The following GTSF1 variants were observed in gnomAD, a reference collection of about 807,000 sequenced individuals.
GTSF1 encodes gametocyte specific factor 1, also known as gametocyte-specific factor 1.
A neutral mutation model predicts 28.9 loss-of-function variants in GTSF1; 11 were observed. That is an observed-to-expected ratio of 0.38 (90% CI 0.24 to 0.63). The LOEUF (loss-of-function observed/expected upper bound fraction) is 0.63. Among genes scored for constraint, GTSF1 ranks in the 30% least tolerant of loss-of-function variants. The probability of loss-of-function intolerance (pLI) is 0.56; values close to 1 mark genes in which losing one functional copy is unlikely to be tolerated. For missense variants in GTSF1, 146 were observed against 201.0 expected (o/e 0.73, Z 1.66); for synonymous variants, 69 against 65.6 (o/e 1.05, Z -0.25).
chr12:54,467,989 G>A (rs929597011), intron 2 of GTSF1, among the ~76,000 whole-genome samples: 32 of 151,448 alleles, frequency 2.1e-4, no homozygotes, highest in African/African-American at 7.8e-4. Flanking sequence ...TCAAACTCCC[G>A]ACCTCAGGTG....
intron 2 of GTSF1, among the ~76,000 whole-genome samples, chr12:54,466,413 G>A (rs1956513297): frequency 1.3e-5 from 2 of 152,178 alleles, no homozygotes; most frequent in Non-Finnish European, 2.9e-5. Flanking sequence ...AACCATGATC[G>A]TGATGCAAAT....
Position 54,470,722 on chromosome 12 carries a change from G to A in GTSF1, c.16+511C>T, listed in dbSNP as rs114823921. Among the ~76,000 whole-genome samples the A allele has an allele frequency of 2.4e-3, 368 of 152,190 alleles. 1 individual carries two copies. Among genetic ancestry groups the A allele is most frequent in the African/African-American group, 8.0e-3 (332 of 41,530 alleles). On this transcript the variant is annotated intron_variant, in intron 2 of 8. Transcript: ENST00000305879. ...TCTGTCCCTAACTATGTAAACTTGG[G>A]CAAAATAATTAATCTAGGTTCTGTT...
At chr12:54,462,528 T>C in intron 5 of GTSF1, 114 bp downstream of exon 5, 2 of 828,192 alleles carry the variant, frequency 2.4e-6, no homozygotes, top group Non-Finnish European at 3.9e-6. Flanking sequence ...ATAAAAATAA[T>C]AAGGCATTCT....
In GTSF1 at chr12:54,470,719, TG is replaced by T. The variant is rs201841684; in HGVS notation, c.16+513del. Among the ~76,000 whole-genome samples, 1,459 of 152,266 alleles carry T rather than the reference TG, an allele frequency of 9.6e-3. 6 individuals carry two copies. The highest frequency in any genetic ancestry group is 0.014 in the Non-Finnish European group (948 of 68,008). ...GACTCTGTCCCTAACTATGTAAACTTGGGCAAAATAATTAATCTAGGTTCTG... is the reference window on the plus strand; with the variant it reads ...GACTCTGTCCCTAACTATGTAAACTTGGCAAAATAATTAATCTAGGTTCTG... On this transcript the variant is annotated intron_variant, in intron 2 of 8. Coordinates refer to ENST00000305879, the MANE Select transcript of GTSF1 (RefSeq NM_144594.3).
At chr12:54,456,449 G>A (rs73308564) in intron 8 of GTSF1, among the ~76,000 whole-genome samples, 16,007 of 152,236 alleles carry the variant, frequency 0.11, 1,012 homozygotes, top group African/African-American at 0.17. Flanking sequence ...ATTCATTCAT[G>A]CAATTCTGGA....
At chr12:54,472,870 T>A (rs1956608424) in intron 1 of GTSF1, among the ~76,000 whole-genome samples, 1 of 152,250 alleles carries the variant, frequency 6.6e-6, no homozygotes, top group African/African-American at 2.4e-5. Context: ...TCTTTTTGTA[T>A]ATATTTCACT....
At chr12:54,463,337 T>A (rs1177856548) in intron 3 of GTSF1, 40 bp from the exon 4 acceptor site, 5 of 1,608,406 alleles carry the variant, frequency 3.1e-6, no homozygotes, top group Non-Finnish European at 4.3e-6. Flanking sequence ...GTTCTCTGGA[T>A]CTACTAAAGT....
chr12:54,465,195 A>G (rs768854266), intron 2 of GTSF1, 28 bp from the exon 3 acceptor site: 1 of 1,499,792 alleles, frequency 6.7e-7, no homozygotes, highest in African/African-American at 1.4e-5. Flanking sequence ...TTCAGTAGGT[A>G]AAACGATAAT....
intron 6 of GTSF1, among the ~76,000 whole-genome samples, chr12:54,461,461 C>A (rs552244457): frequency 6.6e-6 from 1 of 151,874 alleles, no homozygotes; most frequent in South Asian, 2.1e-4. Flanking sequence ...TCACTTGAGG[C>A]CAGAAGTTTG....
At chr12:54,466,397 A>T (rs9325158) in intron 2 of GTSF1, among the ~76,000 whole-genome samples, 5 of 152,192 alleles carry the variant, frequency 3.3e-5, no homozygotes, top group Non-Finnish European at 7.3e-5. Context: ...CATGGAATAA[A>T]TTGCCAACCA....
intron 3 of GTSF1, 155 bp from the exon 4 acceptor site, chr12:54,463,452 G>A: frequency 1.6e-6 from 1 of 606,212 alleles, no homozygotes; most frequent in Non-Finnish European, 2.9e-6. Context: ...AAAACTAAGA[G>A]GGAATTATTT....
At chr12:54,462,227 T>G in intron 5 of GTSF1, 55 bp from the exon 6 acceptor site, 1 of 1,236,432 alleles carries the variant, frequency 8.1e-7, no homozygotes, top group Non-Finnish European at 1.2e-6. Flanking sequence ...ACACCAGCAG[T>G]TCATGTTGGT....
At position 54,462,186 on chromosome 12, in the gene GTSF1, C is replaced by A. The variant is rs754824199; in HGVS notation, c.329-14G>T. The A allele has an allele frequency of 3.7e-6, 6 of 1,605,370 alleles. No individual in the cohort carries two copies. The African/African-American group carries it at 6.7e-5, about 18-fold the overall frequency. ...GCTCCCACAAATCTGTTAAAGGAAG[C>A]AAAACATAGTTTGTGGTACTACTAG... On this transcript the variant is annotated splice_polypyrimidine_tract_variant and intron_variant, in intron 5 of 8. Transcript: ENST00000305879.
chr12:54,463,733 C>T (rs921862920), intron 3 of GTSF1, among the ~76,000 whole-genome samples: 15 of 152,188 alleles, frequency 9.9e-5, no homozygotes, highest in Non-Finnish European at 4.4e-5. Context: ...AGTAGTGTCC[C>T]TGCTATTGCA....
chr12:54,464,017 G>GA (rs1019982559), intron 3 of GTSF1, among the ~76,000 whole-genome samples: 2 of 151,674 alleles, frequency 1.3e-5, no homozygotes, highest in African/African-American at 4.8e-5. Flanking sequence ...AATTTATTAG[G>GA]AAAAAAAAGA....
Position 54,460,402 on chromosome 12 carries a change from C to A in GTSF1, c.462G>T (p.Leu154=), listed in dbSNP as rs749043317. The A allele has an allele frequency of 6.2e-6, 10 of 1,613,672 alleles. No homozygotes were observed. The South Asian group carries it at 1.1e-4, about 18-fold the overall frequency. Residue 154 remains leucine (L), a synonymous_variant, in exon 7 of 9, where the codon CTG becomes CTT. Transcript: ENST00000305879. ...LASGMRVPKS[L]PYVLPWKNNG... ...TGTTTTTCCATGGCAGAACATACGG[C>A]AGAGATTTGGGAACTCGCATGCCTG...
Position 54,460,380 on chromosome 12 carries a change from T to C in GTSF1, c.484A>G (p.Asn162Asp). 6.2e-7 allele frequency: 1 copy of C among 1,609,380 alleles called. No homozygotes were observed. Among genetic ancestry groups the C allele is most frequent in the Non-Finnish European group, 8.5e-7 (1 of 1,175,712 alleles). The change falls in exon 7 of 9, where the codon AAC (asparagine) becomes GAC (aspartate). Residue 162 changes from asparagine to aspartate, a missense_variant. Asn to Asp is a conservative substitution (Grantham distance 23). Transcript: ENST00000305879. ...ATTTTGTCTCTATTTCACTTACTGT[T>C]TTTCCATGGCAGAACATACGGCAGA... is the stretch of plus-strand genomic sequence containing the variant. ...KSLPYVLPWK[N>D]NGNAQ
intron 7 of GTSF1, chr12:54,459,344 A>G: frequency 7.0e-7 from 1 of 1,431,408 alleles, no homozygotes; most frequent in Non-Finnish European, 9.2e-7. Context: ...TGGTGACTTC[A>G]TTTTTTGGGA....
intron 7 of GTSF1, among the ~76,000 whole-genome samples, chr12:54,459,787 C>T (rs1444932431): frequency 9.3e-6 from 1 of 108,024 alleles, no homozygotes; most frequent in South Asian, 2.9e-4. Context: ...AGTGCAGTGG[C>T]GGGATCTCGG....
Sources: gnomAD v4.1 joint callset for allele counts (sites outside exome capture counted in the v4.1 genomes callset) on GRCh38, gnomAD v4.1.1 for gene constraint, MANE v1.5 for transcripts, NCBI Gene and HGNC (gene_info 2026-07-23, HGNC 2026-07-21) for gene names.